The following CDH13 variants were observed in gnomAD, a reference collection of about 807,000 sequenced individuals.
The protein encoded by CDH13 is cadherin-13.
CDH13 carries 24 observed loss-of-function variants against 63.8 expected under a neutral mutation model. The ratio of observed to expected loss-of-function variants is 0.38; its 90% CI spans 0.27 to 0.53. The LOEUF is 0.53. Among genes scored for constraint, CDH13 ranks in the 20% least tolerant of loss-of-function variants. The pLI is 0.85. For missense variants in CDH13, 1,049 were observed against 903.1 expected (o/e 1.16, Z -2.07); for synonymous variants, 503 against 355.3 (o/e 1.42, Z -4.67).
intron 8 of CDH13, among the ~76,000 whole-genome samples, chr16:83,666,385 T>A (rs973430467): frequency 4.6e-5 from 7 of 152,248 alleles, no homozygotes; most frequent in African/African-American, 1.7e-4. Context: ...AGAAATCAGA[T>A]AATGGGCTTA....
intron 6 of CDH13, among the ~76,000 whole-genome samples, chr16:83,357,330 C>T (rs1019115782): frequency 2.0e-5 from 3 of 152,152 alleles, no homozygotes; most frequent in African/African-American, 7.2e-5. Context: ...CATGTGTGTA[C>T]ATATACGTGT....
At chr16:82,705,123 G>A (rs996189726) in intron 1 of CDH13, 29 of 455,972 alleles carry the variant, frequency 6.4e-5, no homozygotes, top group East Asian at 4.2e-4. Context: ...AATAAAGCCC[G>A]AGATAGTAAC....
At position 83,047,556 on chromosome 16, in the gene CDH13, A is replaced by G. The variant is rs75911132; in HGVS notation, c.366+15338A>G. 2.0e-5 allele frequency among the ~76,000 whole-genome samples: 3 copies of G among 152,214 alleles called. No homozygotes were observed. The highest frequency in any genetic ancestry group is 6.5e-5 in the Admixed American group (1 of 15,290). On this transcript the variant is annotated intron_variant, in intron 3 of 13. Transcript: ENST00000567109. This position sits in a 1 kb window ranked among gnomAD's most constrained non-coding sequence, Gnocchi z 4.9. ...AAGAAGACCTAAAAACTGAATTTTTAAAATACAAACAGAAAAAAAGCTCCC... is the reference window on the plus strand; with the variant it reads ...AAGAAGACCTAAAAACTGAATTTTTGAAATACAAACAGAAAAAAAGCTCCC...
At chr16:83,512,222 G>C (rs2074585251) in intron 7 of CDH13, among the ~76,000 whole-genome samples, 1 of 151,680 alleles carries the variant, frequency 6.6e-6, no homozygotes, top group South Asian at 2.1e-4. Flanking sequence ...TCGGGAGTTT[G>C]AGGCAGGAGA....
intron 1 of CDH13, among the ~76,000 whole-genome samples, chr16:82,635,737 T>C (rs982484580): frequency 2.6e-5 from 4 of 152,074 alleles, no homozygotes; most frequent in Non-Finnish European, 5.9e-5. Context: ...TGGGTCTCTG[T>C]CCCCACCCAA....
At chr16:83,067,903 C>A (rs1041246089) in intron 3 of CDH13, among the ~76,000 whole-genome samples, 4 of 152,032 alleles carry the variant, frequency 2.6e-5, no homozygotes, top group Non-Finnish European at 5.9e-5. Context: ...CCTGCTCTGG[C>A]CAAAAAGTTT....
At chr16:83,200,961 G>GTA (rs2039011546) in intron 4 of CDH13, among the ~76,000 whole-genome samples, 7 of 138,876 alleles carry the variant, frequency 5.0e-5, no homozygotes, top group Non-Finnish European at 1.1e-4. Context: ...GTGTGTGTGT[G>GTA]TGTGTGTGTG....
At chr16:83,515,630 C>G (rs1436496089) in intron 7 of CDH13, among the ~76,000 whole-genome samples, 1 of 152,140 alleles carries the variant, frequency 6.6e-6, no homozygotes, top group East Asian at 1.9e-4. Flanking sequence ...TAAAATTTCT[C>G]AAATGCTTAG....
chr16:83,328,089 C>G (rs1287819987), intron 5 of CDH13, among the ~76,000 whole-genome samples: 1 of 147,706 alleles, frequency 6.8e-6, no homozygotes, highest in Non-Finnish European at 1.5e-5. Flanking sequence ...GCCGAGATGG[C>G]ACCACTGCAC....
intron 3 of CDH13, among the ~76,000 whole-genome samples, chr16:83,123,660 T>C (rs1156728729): frequency 6.6e-6 from 1 of 152,194 alleles, no homozygotes; most frequent in Non-Finnish European, 1.5e-5. Flanking sequence ...AGTGCTATGA[T>C]AAACACACAA....
At chr16:82,985,231 T>C (rs1172955382) in intron 2 of CDH13, among the ~76,000 whole-genome samples, 1 of 152,198 alleles carries the variant, frequency 6.6e-6, no homozygotes, top group South Asian at 2.1e-4. Flanking sequence ...TGTCAGTATC[T>C]CTGAGACCTT....
At chr16:83,382,882 A>G (rs1408731331) in intron 6 of CDH13, 1 of 152,244 alleles carries the variant, frequency 6.6e-6, no homozygotes, top group Non-Finnish European at 1.5e-5. Context: ...GAGACATTTG[A>G]TCACACAAGT....
At chr16:82,896,419 G>C (rs1284587740) in intron 2 of CDH13, among the ~76,000 whole-genome samples, 1 of 150,704 alleles carries the variant, frequency 6.6e-6, no homozygotes, top group African/African-American at 2.4e-5. Context: ...TCATCCTCCT[G>C]AGAAGCTGGG....
chr16:83,649,344 C>T (rs1912143629), intron 8 of CDH13, among the ~76,000 whole-genome samples: 1 of 152,192 alleles, frequency 6.6e-6, no homozygotes, highest in Admixed American at 6.5e-5. Flanking sequence ...TATTTTTGTG[C>T]TCCCTACCTT....
At chr16:82,831,130 C>A (rs1473458246) in intron 1 of CDH13, among the ~76,000 whole-genome samples, 2 of 152,082 alleles carry the variant, frequency 1.3e-5, no homozygotes, top group Admixed American at 6.6e-5. Context: ...CTAGGCGCCG[C>A]ACCAGACCTG....
intron 6 of CDH13, among the ~76,000 whole-genome samples, chr16:83,417,969 C>G (rs1215205007): frequency 1.3e-5 from 2 of 152,098 alleles, no homozygotes; most frequent in Non-Finnish European, 2.9e-5. Context: ...TGGAAAACTC[C>G]TATACATCCT....
intron 7 of CDH13, among the ~76,000 whole-genome samples, chr16:83,568,173 C>G (rs1904303720): frequency 1.3e-5 from 2 of 151,412 alleles, no homozygotes; most frequent in Admixed American, 1.3e-4. Context: ...CGAAATGACA[C>G]TCACCCCAAA....
intron 2 of CDH13, among the ~76,000 whole-genome samples, chr16:82,987,899 C>T (rs1303868961): frequency 6.6e-6 from 1 of 152,164 alleles, no homozygotes; most frequent in African/African-American, 2.4e-5. Context: ...CTGGATCTAG[C>T]ACAGAGAGGT....
chr16:83,111,741 G>T (rs1389059432), intron 3 of CDH13, among the ~76,000 whole-genome samples: 1 of 152,178 alleles, frequency 6.6e-6, no homozygotes, highest in Non-Finnish European at 1.5e-5. Context: ...CATATCAATA[G>T]ATCGTCATAA....
Sources: allele counts gnomAD v4.1 joint callset (sites outside exome capture counted in the v4.1 genomes callset), GRCh38; gene constraint gnomAD v4.1.1; non-coding constraint Gnocchi (gnomAD v3.1); transcripts MANE v1.5; gene names NCBI Gene and HGNC (gene_info 2026-07-23, HGNC 2026-07-21).